Variants in GSN observed in about 807,000 individuals in gnomAD.
GSN encodes gelsolin.
In GSN, 56 loss-of-function variants were observed where a neutral mutation model predicts 85.7. The observed-to-expected ratio is 0.65, with a 90% CI of 0.53 to 0.82. The LOEUF is 0.82. Ranked by LOEUF, GSN falls within the 40% of genes least tolerant of loss-of-function variation. GSN has a pLI of 0.00. For missense variants in GSN, 857 were observed against 979.8 expected, an observed-to-expected ratio of 0.87 and a Z score of 1.67; for synonymous variants, 373 against 399.1, an observed-to-expected ratio of 0.93 and a Z score of 0.78.
chr9:121,324,954 G>C (rs1202226585), intron 12 of GSN, among the ~76,000 whole-genome samples: 1 of 152,214 alleles, frequency 6.6e-6, no homozygotes, highest in Non-Finnish European at 1.5e-5. Context: ...GATGCAGTGA[G>C]TGAAATTGAC....
At chr9:121,202,897 C>T (rs1405871834), upstream of GSN, among the ~76,000 whole-genome samples, 1 of 152,096 alleles carries the variant, frequency 6.6e-6, no homozygotes. Flanking sequence ...GAGGCCACGA[C>T]GGGCGGATCA....
chr9:121,318,390 C>T lies in GSN; in HGVS notation c.887-16C>T. On this transcript the variant is annotated splice_polypyrimidine_tract_variant and intron_variant, in intron 8 of 17. Coordinates refer to ENST00000432226, the MANE Select transcript of GSN (RefSeq NM_198252.3). This position sits in a 1 kb window ranked among gnomAD's most constrained non-coding sequence, Gnocchi z 4.3. The stretch of plus-strand genomic sequence containing the variant: ...CGGGCCTCTAACCCTCCATCACTTC[C>T]TCTGGCTGCCAACAGGCAAGCAGGC... The T allele has an allele frequency of 2.5e-6, 4 of 1,610,346 alleles. No individual in the cohort carries two copies. The highest frequency in any genetic ancestry group is 2.5e-6 in the Non-Finnish European group (3 of 1,176,544).
At chr9:121,310,205 C>T (rs1376826646) in intron 4 of GSN, 7 of 230,776 alleles carry the variant, frequency 3.0e-5, no homozygotes, top group South Asian at 1.2e-4. Flanking sequence ...TATGCACATG[C>T]GCGTTGTATA....
Position 121,226,721 on chromosome 9 carries a change from T to G in GSN, c.-527-4444T>G, listed in dbSNP as rs188839767. On this transcript the variant is annotated intron_variant, in intron 4 of 24. Coordinates refer to the GSN transcript ENST00000373823. ...TCCTGACACAGAACTCCTAATTCCT[T>G]GGAATTTCCTAGGTAATAGGGGTAT... 2.3e-4 allele frequency among the ~76,000 whole-genome samples: 35 copies of G among 152,308 alleles called. No individual in the cohort carries two copies. In the South Asian group the frequency reaches 2.9e-3, roughly 13 times the overall value.
the GSN span, among the ~76,000 whole-genome samples, chr9:121,202,061 C>G: frequency 5.9e-5 from 9 of 152,200 alleles, no homozygotes; most frequent in Admixed American, 3.3e-4. Context: ...CCCACGGGCG[C>G]TCGCGCCCGG....
At chr9:121,316,941 A>G (rs995863742) in intron 7 of GSN, 145 bp from the exon 8 acceptor site, 7 of 1,004,436 alleles carry the variant, frequency 7.0e-6, no homozygotes, top group Non-Finnish European at 9.1e-6. Context: ...AAAACGAAAA[A>G]GAACCTCTAA....
chr9:121,328,732 C>T (rs1275110217), intron 14 of GSN, 159 bp from the exon 15 acceptor site: 3 of 787,984 alleles, frequency 3.8e-6, no homozygotes, highest in Non-Finnish European at 6.4e-6. Context: ...TTCCAATTCC[C>T]TCAGGCCTCT....
At chr9:121,215,225 C>A (rs376867848) in intron 4 of GSN, among the ~76,000 whole-genome samples, 3,345 of 149,798 alleles carry the variant, frequency 0.022, 120 homozygotes, top group African/African-American at 0.078. Context: ...ACCCCCCCCC[C>A]CACACTCATA....
rs142034230 is a variant in GSN, at chr9:121,318,860, G to C, written c.1171G>C (p.Asp391His). The change falls in exon 10 of 18, where the codon GAT becomes CAT. Residue 391 changes from aspartate to histidine, a missense_variant. Physicochemically the swap from Asp to His is moderately conservative, Grantham distance 81. Transcript: ENST00000432226. This position sits in a 1 kb window ranked among gnomAD's most constrained non-coding sequence, Gnocchi z 4.3. ...GGCCGCCCAGCACGGCATGGATGAC[G>C]ATGGCACAGGCCAGAAACAGGTACG... ...AMAAQHGMDD[D>H]GTGQKQIWRI... 117 of 1,613,840 alleles carry C rather than the reference G, an allele frequency of 7.2e-5. No individual in the cohort carries two copies. The highest frequency in any genetic ancestry group is 1.1e-5 in the South Asian group (1 of 91,082).
chr9:121,211,909 G>A (rs1334903227), intron 4 of GSN, among the ~76,000 whole-genome samples: 2 of 152,100 alleles, frequency 1.3e-5, no homozygotes, highest in African/African-American at 4.8e-5. Flanking sequence ...GCTGGATAAG[G>A]GAATCTCTGA....
rs1286547710 is a variant in GSN at position 121,318,104 on chromosome 9, CT to C, written c.887-295del. On this transcript the variant is annotated intron_variant, in intron 8 of 17. Coordinates refer to ENST00000432226, the MANE Select transcript of GSN (RefSeq NM_198252.3). This position sits in a 1 kb window ranked among gnomAD's most constrained non-coding sequence, Gnocchi z 4.3. ...ATAGATACTCAGAAAAAGATAACAA[CT>C]TTTTTTATTACTTAAGACTATTCTG... Among the ~76,000 whole-genome samples, 3 of 152,314 alleles carry C rather than the reference CT, an allele frequency of 2.0e-5. No individual in the cohort carries two copies. In the East Asian group the frequency reaches 5.8e-4, roughly 29 times the overall value.
At chr9:121,321,424 G>T in intron 11 of GSN, 23 bp downstream of exon 11, 1 of 1,610,740 alleles carries the variant, frequency 6.2e-7, no homozygotes, top group Non-Finnish European at 8.5e-7. Context: ...GGCCATTGGT[G>T]TGTGTCGTGG....
chr9:121,229,114 A>G (rs1219396883), intron 4 of GSN, among the ~76,000 whole-genome samples: 1 of 152,174 alleles, frequency 6.6e-6, no homozygotes, highest in Non-Finnish European at 1.5e-5. Flanking sequence ...ATTTTCGTCC[A>G]GTAGTATAGA....
In GSN at chr9:121,240,259, G is replaced by A. The variant is rs148745485; in HGVS notation, c.-388-8017G>A. On this transcript the variant is annotated intron_variant, in intron 5 of 24. Coordinates refer to the GSN transcript ENST00000373823. ...TGTAAAGACCCTATTTCCAATTAAG[G>A]TTGCATTCAGACATCCTAGAGGACA... 2.7e-3 allele frequency among the ~76,000 whole-genome samples: 417 copies of A among 152,206 alleles called. 4 individuals carry two copies. Among genetic ancestry groups the A allele is most frequent in the African/African-American group, 9.3e-3 (388 of 41,514 alleles).
chr9:121,290,598 T>C (rs2058591588), intron 2 of GSN, among the ~76,000 whole-genome samples: 1 of 152,198 alleles, frequency 6.6e-6, no homozygotes, highest in African/African-American at 2.4e-5. Context: ...CGCGATGTTA[T>C]GAATACATTT....
chr9:121,287,675 G>A (rs1258031447), intron 2 of GSN, among the ~76,000 whole-genome samples: 9 of 116,702 alleles, frequency 7.7e-5, no homozygotes, highest in South Asian at 3.5e-4. Context: ...CACAGGAAGC[G>A]TGTGGGCTTT....
upstream of GSN, among the ~76,000 whole-genome samples, chr9:121,206,414 CTT>C (rs1202992803): frequency 6.6e-6 from 1 of 152,106 alleles, no homozygotes; most frequent in Non-Finnish European, 1.5e-5. Flanking sequence ...TTAGATTCAA[CTT>C]ATCACACTAA....
intron 11 of GSN, among the ~76,000 whole-genome samples, chr9:121,322,481 T>G (rs2062601324): frequency 6.6e-6 from 1 of 152,228 alleles, no homozygotes; most frequent in South Asian, 2.1e-4. Context: ...TCTTTCTCTA[T>G]TACAAACATT....
intron 4 of GSN, 69 bp downstream of exon 4, chr9:121,303,134 A>G: frequency 3.3e-6 from 5 of 1,506,798 alleles, no homozygotes; most frequent in Non-Finnish European, 4.6e-6. Context: ...ACTCAGGCCC[A>G]TCTATCTTTT....
Sources: allele counts gnomAD v4.1 joint callset (sites outside exome capture counted in the v4.1 genomes callset), GRCh38; gene constraint gnomAD v4.1.1; non-coding constraint Gnocchi (gnomAD v3.1); transcripts MANE v1.5; gene names NCBI Gene and HGNC (gene_info 2026-07-23, HGNC 2026-07-21).